DAPK2: variants seen among roughly 807,000 people sequenced by gnomAD.
DAPK2 encodes the protein death associated protein kinase 2, also known as death-associated protein kinase 2.
A neutral mutation model predicts 44.1 loss-of-function variants in DAPK2; 35 were observed. The ratio of observed to expected loss-of-function variants is 0.79; its 90% CI spans 0.61 to 1.05. The LOEUF is 1.05. Ranked by LOEUF, DAPK2 falls within the 50% of genes least tolerant of loss-of-function variation. The pLI is 0.00. For synonymous variants in DAPK2, 174 were observed against 182.6 expected (o/e 0.95, Z 0.38); for missense variants, 453 against 483.2 (o/e 0.94, Z 0.59).
rs947119387 is a variant in DAPK2, at chr15:63,985,406, C to G, written c.93-1652G>C. On this transcript the variant is annotated intron_variant, in intron 1 of 10. Coordinates refer to ENST00000261891, the Ensembl canonical transcript of DAPK2. ...TTGGAGCCACTCTGGGCCTCGAGGA[C>G]AGCGGGTGCCTTGGTAGGTGCCAAC... is the stretch of plus-strand genomic sequence containing the variant. Among the ~76,000 whole-genome samples the G allele has an allele frequency of 3.9e-5, 6 of 152,218 alleles. No individual in the cohort carries two copies. The East Asian group carries it at 9.6e-4, about 24-fold the overall frequency.
rs543406313 is a variant in DAPK2 at position 63,925,979 on chromosome 15, G to A, written c.774C>T (p.Ala258=). The change falls in exon 7 of 11, where the codon GCC becomes GCT. Residue 258 remains alanine, a synonymous_variant. Transcript: ENST00000261891. ...CCAGAAGCTTCCGAATAAAGTCCTTGGCCAGCTCGCTCGTCTGGCTGAAGA... is the reference window on the plus strand; with the variant it reads ...CCAGAAGCTTCCGAATAAAGTCCTTAGCCAGCTCGCTCGTCTGGCTGAAGA... The A allele has an allele frequency of 2.4e-5, 38 of 1,614,164 alleles. 2 individuals carry two copies. In the South Asian group the frequency reaches 3.1e-4, roughly 13 times the overall value.
chr15:64,018,244 G>A (rs2079586964), intron 1 of DAPK2, among the ~76,000 whole-genome samples: 1 of 152,124 alleles, frequency 6.6e-6, no homozygotes, highest in South Asian at 2.1e-4. Flanking sequence ...CGGTTTGCAG[G>A]TAGACAGATC....
intron 1 of DAPK2, among the ~76,000 whole-genome samples, chr15:63,993,388 A>G (rs1269610074): frequency 6.6e-6 from 1 of 152,138 alleles, no homozygotes; most frequent in Non-Finnish European, 1.5e-5. Context: ...GCAGAGGGCT[A>G]TGTGTGTCTG....
intron 1 of DAPK2, among the ~76,000 whole-genome samples, chr15:64,001,605 C>G (rs906388679): frequency 6.6e-6 from 1 of 152,196 alleles, no homozygotes; most frequent in Admixed American, 6.5e-5. Flanking sequence ...CCCCCCTCCC[C>G]ACTCTAGGAG....
At chr15:64,026,900 G>T (rs1177671330) in intron 1 of DAPK2, among the ~76,000 whole-genome samples, 2 of 152,146 alleles carry the variant, frequency 1.3e-5, no homozygotes, top group Admixed American at 6.5e-5. Flanking sequence ...GAACTATTAT[G>T]TTGGCCTTAC....
At chr15:63,929,168 C>T (rs577025985) in intron 6 of DAPK2, among the ~76,000 whole-genome samples, 5 of 149,852 alleles carry the variant, frequency 3.3e-5, no homozygotes, top group African/African-American at 1.2e-4. Flanking sequence ...CACTGCACTC[C>T]AGACTGGGTG....
chr15:63,983,496 G>GC (rs779463302), intron 2 of DAPK2, 37 bp downstream of exon 3: 9 of 1,594,432 alleles, frequency 5.6e-6, no homozygotes, highest in African/African-American at 1.3e-5. Context: ...TGCCCCTGCT[G>GC]CCCCCCAACC....
chr15:64,003,010 G>GTGTGTGTGTGTGTGTGTGTGTGTGTGTT (rs1314879276), intron 1 of DAPK2, among the ~76,000 whole-genome samples: 1 of 140,484 alleles, frequency 7.1e-6, no homozygotes, highest in Non-Finnish European at 1.6e-5. Context: ...GTGTGTGTGT[G>GTGTGTGTGTGTGTGTGTGTGTGTGTGTT]TGTGTCGTGG....
At position 63,912,337 on chromosome 15, in the gene DAPK2, G is replaced by A. The variant is rs1353192472; in HGVS notation, c.859-140C>T. 30 of 747,270 alleles carry A rather than the reference G, an allele frequency of 4.0e-5. No homozygotes were observed. The Admixed American group carries it at 4.8e-4, about 12-fold the overall frequency. 46.3% of individuals were successfully genotyped at this position (747,270 alleles called of 1,614,324 possible). ...ATCTCCCCGCCAGGTGGGGCACACC[G>A]TGGGAGCATCACAGTCAGGGCAACA... On this transcript the variant is annotated intron_variant, in intron 8 of 10. Transcript: ENST00000261891. This position sits in a 1 kb window ranked among gnomAD's most constrained non-coding sequence, Gnocchi z 4.4.
intron 4 of DAPK2, among the ~76,000 whole-genome samples, chr15:63,934,903 A>G (rs897486869): frequency 2.0e-5 from 3 of 152,010 alleles, no homozygotes; most frequent in Admixed American, 1.3e-4. Context: ...TTTGCTTAAT[A>G]TTTACTGATT....
At chr15:63,929,635 G>A in intron 5 of DAPK2, 58 bp from the exon 7 acceptor site, 1 of 1,608,592 alleles carries the variant, frequency 6.2e-7, no homozygotes, top group African/African-American at 1.3e-5. Flanking sequence ...CGACCAGCAA[G>A]GGACACCCTC....
Position 63,912,271 on chromosome 15 carries a change from C to T in DAPK2, c.859-74G>A. ...AGCCACCCTCCTCGCCGCAGAACTCCCCACCCACCGCATGCCCACCGCCCT... is the reference window on the plus strand; with the variant it reads ...AGCCACCCTCCTCGCCGCAGAACTCTCCACCCACCGCATGCCCACCGCCCT... On this transcript the variant is annotated intron_variant, in intron 8 of 10. Coordinates refer to ENST00000261891, the Ensembl canonical transcript of DAPK2. The surrounding 1 kb of genome is among the most constrained non-coding windows in gnomAD (Gnocchi z 4.4). The T allele has an allele frequency of 6.8e-7, 1 of 1,474,470 alleles. No homozygotes were observed. The highest frequency in any genetic ancestry group is 1.2e-5 in the South Asian group (1 of 86,182). 91.3% of individuals were successfully genotyped at this position (1,474,470 alleles called of 1,614,324 possible). A position where few individuals can be genotyped will look rare whatever the true frequency, so the allele number is the denominator to read the frequency against.
At chr15:64,040,408 T>C (rs2080321182), upstream of DAPK2, 2 of 632,884 alleles carry the variant, frequency 3.2e-6, no homozygotes, top group Non-Finnish European at 2.8e-6. Flanking sequence ...AGAACTGCCC[T>C]GCTCAAGCCT....
chr15:64,046,324 CGGCCGCGGCAGGCGCGGCGGGA>C (rs2080462951), upstream of DAPK2: 1 of 958,218 alleles, frequency 1.0e-6, no homozygotes, highest in African/African-American at 2.5e-5. This position sits in a 1 kb window ranked among gnomAD's most constrained non-coding sequence, Gnocchi z 5.3. Flanking sequence ...GCCGCGGTCG[CGGCCGCGGCAGGCGCGGCGGGA>C]GCGGCGGGCG....
chr15:63,945,208 C>G, intron 3 of DAPK2, among the ~76,000 whole-genome samples: 1 of 152,206 alleles, frequency 6.6e-6, no homozygotes, highest in South Asian at 2.1e-4. Context: ...CAACCCTGTG[C>G]TCTAACCCCT....
At position 63,923,478 on chromosome 15, in the gene DAPK2, G is replaced by A; in HGVS notation, c.858+1338C>T. On this transcript the variant is annotated intron_variant, in intron 8 of 10. Transcript: ENST00000261891. The surrounding 1 kb of genome is among the most constrained non-coding windows in gnomAD (Gnocchi z 4.2). ...TGCGTCAGGCCATGGGGAGAACCAG[G>A]GTGGGATGAGCACCTCCTTAGGCCA... is the stretch of plus-strand genomic sequence containing the variant. The A allele has an allele frequency of 2.1e-6, 3 of 1,435,456 alleles. No individual in the cohort carries two copies. The South Asian group carries it at 4.4e-5, about 21-fold the overall frequency. The allele number at this position is 1,435,456 out of a possible 1,614,324, so 88.9% of individuals were successfully genotyped here.
chr15:63,984,036 G>A (rs961038614), intron 1 of DAPK2, among the ~76,000 whole-genome samples: 2 of 152,172 alleles, frequency 1.3e-5, no homozygotes, highest in African/African-American at 4.8e-5. Context: ...TGATCAGGAT[G>A]ACATAGCCTT....
At chr15:64,002,967 G>A (rs1203439401) in intron 1 of DAPK2, among the ~76,000 whole-genome samples, 10 of 48,926 alleles carry the variant, frequency 2.0e-4, no homozygotes, top group Non-Finnish European at 2.6e-4. Context: ...TGTGTGTGTC[G>A]TGGGACCTGT....
chr15:63,924,729 T>A (rs1039471067), intron 8 of DAPK2, 87 bp downstream of exon 9: 1 of 1,461,340 alleles, frequency 6.8e-7, no homozygotes, highest in Non-Finnish European at 9.5e-7. Context: ...GGCCTCTCCA[T>A]GGGCCCTCTG....
Sources: gnomAD v4.1 joint callset for allele counts (sites outside exome capture counted in the v4.1 genomes callset) on GRCh38, gnomAD v4.1.1 for gene constraint, Gnocchi (gnomAD v3.1) non-coding constraint, MANE v1.5 for transcripts, NCBI Gene and HGNC (gene_info 2026-07-23, HGNC 2026-07-21) for gene names.